SNW1: variants seen among roughly 807,000 people sequenced by gnomAD.
SNW1 encodes the protein SNW domain containing 1.
In SNW1, 9 loss-of-function variants were observed where a neutral mutation model predicts 75.6. The ratio of observed to expected loss-of-function variants is 0.12; its 90% confidence interval spans 0.07 to 0.21. SNW1 has a LOEUF of 0.21. SNW1 is among the 10% of genes least tolerant of loss of function. SNW1 has a pLI of 1.00. For missense variants in SNW1, 409 were observed against 670.9 expected (o/e 0.61, Z 4.31); for synonymous variants, 200 against 219.1 (o/e 0.91, Z 0.77).
At chr14:77,735,035 G>A (rs1245974005) in intron 7 of SNW1, 23 bp from the exon 8 acceptor site, 4 of 1,535,982 alleles carry the variant, frequency 2.6e-6, no homozygotes, top group Non-Finnish European at 3.6e-6. Flanking sequence ...GGAAAGAAGA[G>A]ACAAGTTTAG....
intron 12 of SNW1, among the ~76,000 whole-genome samples, chr14:77,719,056 G>C (rs2080515482): frequency 6.6e-6 from 1 of 152,114 alleles, no homozygotes; most frequent in African/African-American, 2.4e-5. Context: ...TGGGAGTACA[G>C]GTGTGTGCCA....
At chr14:77,723,353 A>G (rs374596307) in intron 10 of SNW1, 76 bp from the exon 11 acceptor site, 10 of 1,132,482 alleles carry the variant, frequency 8.8e-6, no homozygotes, top group South Asian at 2.5e-5. Context: ...GTGTATATAT[A>G]TAATTTTTTA....
At chr14:77,729,115 GT>G (rs1419842159) in intron 10 of SNW1, among the ~76,000 whole-genome samples, 3 of 152,076 alleles carry the variant, frequency 2.0e-5, no homozygotes, top group African/African-American at 7.2e-5. Flanking sequence ...TTTCCCTATG[GT>G]TGAACTCTAG....
chr14:77,731,207 C>G, intron 9 of SNW1, 78 bp from the exon 10 acceptor site: 1 of 1,477,934 alleles, frequency 6.8e-7, no homozygotes, highest in Non-Finnish European at 9.2e-7. Flanking sequence ...TCCCTAACAT[C>G]TGGCTGGTAA....
chr14:77,741,342 A>C (rs2080717639), intron 3 of SNW1, among the ~76,000 whole-genome samples: 1 of 152,114 alleles, frequency 6.6e-6, no homozygotes, highest in African/African-American at 2.4e-5. Flanking sequence ...GGCAAGACCT[A>C]TCTCTATTTT....
chr14:77,738,178 G>A (rs965147366), intron 5 of SNW1, among the ~76,000 whole-genome samples: 3 of 150,184 alleles, frequency 2.0e-5, no homozygotes, highest in African/African-American at 7.4e-5. Flanking sequence ...ATGGTGGTGG[G>A]CACCTGTAAT....
intron 3 of SNW1, among the ~76,000 whole-genome samples, chr14:77,739,939 ACT>A (rs1278340314): frequency 1.3e-5 from 2 of 151,996 alleles, no homozygotes; most frequent in East Asian, 3.9e-4. Context: ...TCGAAACCAT[ACT>A]AGCTAACATG....
Position 77,737,079 on chromosome 14 carries a change from A to T in SNW1, c.534-4T>A. 6.2e-7 allele frequency: 1 copy of T among 1,602,372 alleles called. No individual in the cohort carries two copies. On this transcript the variant is annotated splice_region_variant and splice_polypyrimidine_tract_variant and intron_variant, in intron 5 of 13. Coordinates refer to ENST00000261531, the MANE Select transcript of SNW1 (RefSeq NM_012245.3). ...TCCTTGCTGAGATGGTGTGTATCTG[A>T]AGAAAGCAGATAAAAACTAAAGGTG...
intron 1 of SNW1, among the ~76,000 whole-genome samples, chr14:77,755,749 T>G (rs1017833339): frequency 1.3e-5 from 2 of 151,464 alleles, no homozygotes; most frequent in African/African-American, 2.4e-5. Flanking sequence ...CTTTCCTTTT[T>G]TTTTTTTGAG....
In SNW1 at chr14:77,717,894, C is replaced by G; in HGVS notation, c.*194G>C. On this transcript the variant is annotated 3_prime_UTR_variant, in exon 14 of 14. Coordinates refer to ENST00000261531, the MANE Select transcript of SNW1 (RefSeq NM_012245.3). ...AAGGTGGGAGAAGCACAAACACAACCCACTCTTTAAAAAAAACTAAATAAT... is the reference window on the plus strand; with the variant it reads ...AAGGTGGGAGAAGCACAAACACAACGCACTCTTTAAAAAAAACTAAATAAT... The G allele has an allele frequency of 3.6e-6, 2 of 559,934 alleles. No individual in the cohort carries two copies. Among genetic ancestry groups the G allele is most frequent in the Non-Finnish European group, 6.2e-6 (2 of 324,174 alleles). The allele number at this position is 559,934 out of a possible 1,614,324, so 34.7% of individuals were successfully genotyped here. A position where few individuals can be genotyped will look rare whatever the true frequency, so the allele number is the denominator to read the frequency against.
At chr14:77,719,999 T>C (rs1010526114) in intron 12 of SNW1, among the ~76,000 whole-genome samples, 3 of 152,240 alleles carry the variant, frequency 2.0e-5, no homozygotes, top group Non-Finnish European at 4.4e-5. Context: ...CTAATGGCAA[T>C]TGGTACTAGA....
chr14:77,758,764 T>C (rs2139938555), intron 1 of SNW1, among the ~76,000 whole-genome samples: 1 of 152,344 alleles, frequency 6.6e-6, no homozygotes, highest in African/African-American at 2.4e-5. Flanking sequence ...CTCCTATTAT[T>C]TCACTCAACA....
intron 3 of SNW1, among the ~76,000 whole-genome samples, chr14:77,742,677 G>A (rs940320867): frequency 6.6e-6 from 1 of 151,886 alleles, no homozygotes; most frequent in Non-Finnish European, 1.5e-5. Flanking sequence ...AAGTTGTTAC[G>A]GTTTTTTAGG....
chr14:77,723,794 A>G (rs1023552259), intron 10 of SNW1, among the ~76,000 whole-genome samples: 1 of 152,172 alleles, frequency 6.6e-6, no homozygotes, highest in Non-Finnish European at 1.5e-5. Context: ...AGCTGGGATT[A>G]CAGGTGTGCA....
chr14:77,730,467 C>T (rs1234768838), intron 10 of SNW1, among the ~76,000 whole-genome samples: 1 of 151,878 alleles, frequency 6.6e-6, no homozygotes, highest in Non-Finnish European at 1.5e-5. Flanking sequence ...AAAAAAATAA[C>T]CACCCTCACA....
chr14:77,747,142 C>A (rs1017654826), intron 3 of SNW1, among the ~76,000 whole-genome samples: 1 of 152,206 alleles, frequency 6.6e-6, no homozygotes, highest in African/African-American at 2.4e-5. Flanking sequence ...TGGTCTCCAG[C>A]TCCTAACCGT....
chr14:77,755,638 T>G (rs1056137018), intron 1 of SNW1, among the ~76,000 whole-genome samples: 3 of 150,796 alleles, frequency 2.0e-5, no homozygotes, highest in African/African-American at 7.3e-5. Flanking sequence ...AGGCTGGTCT[T>G]GAACTTGACC....
At chr14:77,747,494 A>G (rs1402266885) in intron 3 of SNW1, among the ~76,000 whole-genome samples, 1 of 132,544 alleles carries the variant, frequency 7.5e-6, no homozygotes, top group Non-Finnish European at 1.6e-5. Context: ...CCGGCCGCCC[A>G]TCGTCTGAGA....
chr14:77,739,048 T>G lies in SNW1; in HGVS notation c.344A>C (p.Lys115Thr), dbSNP rs1414970840. 1 of 1,612,972 alleles carries G rather than the reference T, an allele frequency of 6.2e-7. No individual in the cohort carries two copies. The highest frequency in any genetic ancestry group is 8.5e-7 in the Non-Finnish European group (1 of 1,179,374). Reference sequence around the variant, plus strand: ...CTCCTTTGGAACCAGGTCAGTGTATTTGCTATAAATGACCTAAAATGTTCA... The same window carrying G: ...CTCCTTTGGAACCAGGTCAGTGTATGTGCTATAAATGACCTAAAATGTTCA... ...GQSKDKVIYS[K>T]YTDLVPKEVM... The change falls in exon 4 of 14, where the codon AAA (lysine) becomes ACA (threonine). Residue 115 changes from lysine to threonine, a missense_variant. Transcript: ENST00000261531.
Sources: gnomAD v4.1 joint callset for allele counts (sites outside exome capture counted in the v4.1 genomes callset) on GRCh38, gnomAD v4.1.1 for gene constraint, MANE v1.5 for transcripts, NCBI Gene and HGNC (gene_info 2026-07-23, HGNC 2026-07-21) for gene names.